Variants in RABGAP1 observed in about 807,000 individuals in gnomAD.
The protein encoded by RABGAP1 is RAB GTPase activating protein 1.
In RABGAP1, 23 loss-of-function variants were observed where a neutral mutation model predicts 137.6. The observed-to-expected ratio is 0.17, with a 90% confidence interval of 0.12 to 0.24. The LOEUF is 0.24. RABGAP1 is among the 10% of genes least tolerant of loss of function. The pLI is 1.00. For missense variants in RABGAP1, 906 were observed against 1,275.8 expected (o/e 0.71, Z 4.42); for synonymous variants, 451 against 450.7 (o/e 1.00, Z -0.01).
At chr9:123,080,273 A>G (rs907454145) in intron 19 of RABGAP1, among the ~76,000 whole-genome samples, 4 of 152,200 alleles carry the variant, frequency 2.6e-5, no homozygotes, top group African/African-American at 9.7e-5. Context: ...GTGCTTAGAT[A>G]TATAATTCCT....
rs1205439773 is a variant in RABGAP1 at position 123,010,505 on chromosome 9, C to A, written c.1526C>A (p.Pro509His). The A allele has an allele frequency of 6.2e-7, 1 of 1,613,540 alleles. No individual in the cohort carries two copies. The change falls in exon 11 of 26, where the codon CCT becomes CAT. Residue 509 changes from proline (P) to histidine (H), a missense_variant. Pro to His is a moderately conservative substitution (Grantham distance 77). Around this residue, in one of 9 missense-constraint regions of RABGAP1, gnomAD observed 212 missense variants for 289.4 expected, o/e 0.73. Transcript: ENST00000373647. ...TCGCAAAGTTCAGTGATACCTTCTC[C>A]TCCAGAAGATGATGAAGAGGAAGGT... ...SGSQSSVIPS[P>H]PEDDEEEDND...
intron 12 of RABGAP1, among the ~76,000 whole-genome samples, chr9:123,018,739 TA>T (rs1399506707): frequency 3.9e-5 from 6 of 152,264 alleles, no homozygotes; most frequent in Non-Finnish European, 5.9e-5. Context: ...AAATCACTTT[TA>T]AATGTGCTGT....
At chr9:122,966,122 G>A (rs781155490) in intron 2 of RABGAP1, among the ~76,000 whole-genome samples, 9 of 152,174 alleles carry the variant, frequency 5.9e-5, no homozygotes, top group Non-Finnish European at 1.2e-4. Context: ...ACTGTTAGCT[G>A]TCTCTTTGGA....
chr9:123,086,306 A>G lies in RABGAP1; in HGVS notation c.2425-3452A>G, dbSNP rs558467093. 1.7e-3 allele frequency among the ~76,000 whole-genome samples: 256 copies of G among 152,348 alleles called. 1 individual carries two copies. The highest frequency in any genetic ancestry group is 4.8e-3 in the Admixed American group (74 of 15,306). ...CCATTTCCATTCAGAAGAAAAGTCA[A>G]TGCAAGGAAAAGAGAGTCCTTTCTC... is the stretch of plus-strand genomic sequence containing the variant. On this transcript the variant is annotated intron_variant, in intron 19 of 25. Coordinates refer to ENST00000373647, the MANE Select transcript of RABGAP1 (RefSeq NM_012197.4).
At chr9:123,080,418 A>G (rs1197980866) in intron 19 of RABGAP1, among the ~76,000 whole-genome samples, 4 of 152,240 alleles carry the variant, frequency 2.6e-5, no homozygotes, top group African/African-American at 2.4e-5. Context: ...TCACCAGAAC[A>G]TAAGAGAATG....
chr9:123,065,067 A>G (rs1332214773), intron 13 of RABGAP1, among the ~76,000 whole-genome samples: 1 of 152,178 alleles, frequency 6.6e-6, no homozygotes, highest in Non-Finnish European at 1.5e-5. Flanking sequence ...CCATCTTACA[A>G]TAGAAGGGTC....
rs1564195588 is a variant in RABGAP1, at chr9:123,101,655, TGAG to T, written c.2982_2984del (p.Glu994del). The stretch of plus-strand genomic sequence containing the variant: ...TAAGCTCAACCAAGGAGGTTTTAGA[TGAG>T]GACACGGATGAAGAGAAAGAGACGC... On this transcript the variant is annotated inframe_deletion, in exon 25 of 26. Coordinates refer to ENST00000373647, the MANE Select transcript of RABGAP1 (RefSeq NM_012197.4). 6.2e-7 allele frequency: 1 copy of T among 1,614,054 alleles called. No homozygotes were observed. The highest frequency in any genetic ancestry group is 1.7e-5 in the Admixed American group (1 of 60,004).
chr9:123,018,934 C>G (rs1203629608), intron 12 of RABGAP1, among the ~76,000 whole-genome samples: 1 of 152,142 alleles, frequency 6.6e-6, no homozygotes, highest in African/African-American at 2.4e-5. Context: ...ACCAGCTGCT[C>G]TATAACAGAG....
chr9:122,996,534 T>C lies in RABGAP1; in HGVS notation c.1035-5T>C. ...CTTAAATTTATGTCAGTTCTTTTTTTGTAGGTGTTTTGGTCTTCTCCTTAG... is the reference window on the plus strand; with the variant it reads ...CTTAAATTTATGTCAGTTCTTTTTTCGTAGGTGTTTTGGTCTTCTCCTTAG... On this transcript the variant is annotated splice_region_variant and splice_polypyrimidine_tract_variant and intron_variant, in intron 7 of 25. Transcript: ENST00000373647. The C allele has an allele frequency of 6.3e-7, 1 of 1,599,148 alleles. No individual in the cohort carries two copies.
chr9:122,942,183 C>CA (rs895294381), intron 1 of RABGAP1, among the ~76,000 whole-genome samples: 10 of 151,354 alleles, frequency 6.6e-5, no homozygotes, highest in Non-Finnish European at 1.2e-4. Context: ...CAAAACAAAA[C>CA]AAAAAAACAA....
chr9:122,946,292 G>A, intron 1 of RABGAP1, among the ~76,000 whole-genome samples: 1 of 152,268 alleles, frequency 6.6e-6, no homozygotes, highest in South Asian at 2.1e-4. Flanking sequence ...TTTGCCTGCT[G>A]AGTTTTAAAT....
intron 24 of RABGAP1, 39 bp downstream of exon 24, chr9:123,099,588 A>C (rs369588566): frequency 6.5e-7 from 1 of 1,530,194 alleles, no homozygotes; most frequent in African/African-American, 1.4e-5. Context: ...TATACCACCT[A>C]CTTCATTTTA....
At chr9:123,072,413 C>G (rs2034384907) in intron 15 of RABGAP1, among the ~76,000 whole-genome samples, 1 of 152,092 alleles carries the variant, frequency 6.6e-6, no homozygotes, top group Admixed American at 6.5e-5. Flanking sequence ...TCTCAAAGTC[C>G]CACAAGCCTG....
chr9:123,054,373 C>T (rs1158914660), intron 13 of RABGAP1, among the ~76,000 whole-genome samples: 1 of 152,156 alleles, frequency 6.6e-6, no homozygotes, highest in Non-Finnish European at 1.5e-5. Context: ...GGTGGCTTAA[C>T]TTCTCTAAGT....
At chr9:123,090,031 A>G (rs1298106237) in intron 20 of RABGAP1, among the ~76,000 whole-genome samples, 181 bp downstream of exon 20, 1 of 152,222 alleles carries the variant, frequency 6.6e-6, no homozygotes, top group Non-Finnish European at 1.5e-5. Context: ...GGTTTGTTAC[A>G]GTTCAGTGGC....
In RABGAP1 at chr9:123,073,581, G is replaced by A; in HGVS notation, c.2013G>A (p.Leu671=). The change falls in exon 16 of 26, where the codon CTG becomes CTA. Residue 671 remains leucine, a synonymous_variant. Coordinates refer to ENST00000373647, the MANE Select transcript of RABGAP1 (RefSeq NM_012197.4). ...CTGAAGAACAGGCATTCAGTGTTCT[G>A]GTCAAGATCATGTTTGACTATGGGC... ...HMPEEQAFSV[L]VKIMFDYGLR... 1 of 1,613,716 alleles carries A rather than the reference G, an allele frequency of 6.2e-7. No individual in the cohort carries two copies. The highest frequency in any genetic ancestry group is 8.5e-7 in the Non-Finnish European group (1 of 1,179,766).
intron 1 of RABGAP1, among the ~76,000 whole-genome samples, chr9:122,951,579 T>C (rs530904012): frequency 1.6e-4 from 24 of 152,162 alleles, no homozygotes; most frequent in African/African-American, 5.5e-4. Context: ...GTGAATTTTT[T>C]TTTTTTTTTG....
chr9:122,941,784 T>A (rs932554838), intron 1 of RABGAP1, among the ~76,000 whole-genome samples: 1 of 152,272 alleles, frequency 6.6e-6, no homozygotes, highest in Non-Finnish European at 1.5e-5. Context: ...TTCCAGGAGT[T>A]CGCTGTCCAT....
Position 122,953,010 on chromosome 9 carries a change from C to G in RABGAP1, c.-49-4001C>G, listed in dbSNP as rs1396501225. On this transcript the variant is annotated intron_variant, in intron 1 of 25. Transcript: ENST00000373647. ...ACATAAAGGATATTTATTCAAAGTACTATTTTGCTTTTATTTAGATATTAA... is the reference window on the plus strand; with the variant it reads ...ACATAAAGGATATTTATTCAAAGTAGTATTTTGCTTTTATTTAGATATTAA... Among the ~76,000 whole-genome samples, 5 of 152,008 alleles carry G rather than the reference C, an allele frequency of 3.3e-5. No homozygotes were observed. The East Asian group carries it at 7.7e-4, about 23-fold the overall frequency.
Sources: allele counts gnomAD v4.1 joint callset (sites outside exome capture counted in the v4.1 genomes callset), GRCh38; gene constraint gnomAD v4.1.1; regional missense constraint gnomAD v4.1.1; transcripts MANE v1.5; gene names NCBI Gene and HGNC (gene_info 2026-07-23, HGNC 2026-07-21).